The following SLCO1A2 variants were observed in gnomAD, a reference collection of about 807,000 sequenced individuals.
SLCO1A2 encodes solute carrier organic anion transporter family member 1A2.
SLCO1A2 carries 67 observed loss-of-function variants against 69.0 expected under a neutral mutation model. The observed-to-expected ratio is 0.97, with a 90% CI of 0.80 to 1.19. The LOEUF is 1.19. SLCO1A2 is among the 50% of genes most tolerant of loss of function. The pLI, the probability that SLCO1A2 is intolerant of heterozygous loss-of-function variation, is 0.00. For missense variants in SLCO1A2, 787 were observed against 793.7 expected, an observed-to-expected ratio of 0.99 and a Z score of 0.10; for synonymous variants, 260 against 265.9, an observed-to-expected ratio of 0.98 and a Z score of 0.22.
At chr12:21,367,286 A>T (rs948878968) in intron 2 of SLCO1A2, among the ~76,000 whole-genome samples, 8 of 152,198 alleles carry the variant, frequency 5.3e-5, no homozygotes, top group African/African-American at 1.9e-4. Context: ...CTACTGCAGT[A>T]TATGTTCCAT....
upstream of SLCO1A2, among the ~76,000 whole-genome samples, chr12:21,336,423 C>A (rs12316436): frequency 5.4e-3 from 815 of 151,848 alleles, 5 homozygotes; most frequent in African/African-American, 0.016. Context: ...TTCACTATGT[C>A]TGGAAGATTT....
chr12:21,293,306 A>AAAAAG (rs200975790), intron 11 of SLCO1A2, among the ~76,000 whole-genome samples: 1 of 152,192 alleles, frequency 6.6e-6, no homozygotes, highest in African/African-American at 2.4e-5. Context: ...CCATCTCAAA[A>AAAAAG]AAAAGAAAAG....
At chr12:21,290,567 T>C (rs1256608183) in intron 12 of SLCO1A2, among the ~76,000 whole-genome samples, 2 of 152,170 alleles carry the variant, frequency 1.3e-5, no homozygotes, top group Non-Finnish European at 2.9e-5. Context: ...ACGTATTATA[T>C]ACACTATGAT....
upstream of SLCO1A2, among the ~76,000 whole-genome samples, chr12:21,336,806 T>C (rs1952906996): frequency 6.6e-6 from 1 of 152,038 alleles, no homozygotes; most frequent in African/African-American, 2.4e-5. Context: ...AGTCCTCTTT[T>C]GTTAGCACAG....
chr12:21,338,367 C>G (rs1952957170), upstream of SLCO1A2, among the ~76,000 whole-genome samples: 1 of 151,810 alleles, frequency 6.6e-6, no homozygotes, highest in African/African-American at 2.4e-5. Flanking sequence ...AATTCTACAT[C>G]CCCCGGAACC....
intron 12 of SLCO1A2, among the ~76,000 whole-genome samples, chr12:21,278,764 A>G (rs1944317903): frequency 6.6e-6 from 1 of 152,064 alleles, no homozygotes; most frequent in Admixed American, 6.6e-5. Context: ...GACTACAATA[A>G]ATGCCTAACT....
intron 2 of SLCO1A2, among the ~76,000 whole-genome samples, chr12:21,353,270 A>G (rs559700512): frequency 6.6e-6 from 1 of 152,270 alleles, no homozygotes; most frequent in East Asian, 1.9e-4. Flanking sequence ...TCAAACATAA[A>G]CAACAGAAAG....
chr12:21,406,682 A>G (rs1372247615), intron 1 of SLCO1A2, among the ~76,000 whole-genome samples: 1 of 152,192 alleles, frequency 6.6e-6, no homozygotes, highest in Non-Finnish European at 1.5e-5. Context: ...ACAGGTACAG[A>G]TAGGCTTTAT....
chr12:21,320,346 C>T (rs1199619723), intron 2 of SLCO1A2, among the ~76,000 whole-genome samples: 4 of 152,200 alleles, frequency 2.6e-5, no homozygotes, highest in Non-Finnish European at 5.9e-5. Flanking sequence ...TCCCTACCTT[C>T]TCTAATTTGC....
At chr12:21,419,302 A>G, upstream of SLCO1A2, 1 of 156,880 alleles carries the variant, frequency 6.4e-6, no homozygotes, top group Non-Finnish European at 1.4e-5. Flanking sequence ...TTTCCATCTG[A>G]GGTACCGGGT....
intron 10 of SLCO1A2, chr12:21,294,887 T>G (rs1416782561): frequency 6.6e-6 from 1 of 152,146 alleles, no homozygotes; most frequent in Non-Finnish European, 1.5e-5. Flanking sequence ...TAAAATTATA[T>G]TACTATTTTA....
intron 2 of SLCO1A2, among the ~76,000 whole-genome samples, chr12:21,329,502 CTT>C (rs76903379): frequency 1.6e-4 from 23 of 143,582 alleles, no homozygotes; most frequent in Admixed American, 2.1e-4. Context: ...AATATTTTTG[CTT>C]TTTTTTTTTT....
chr12:21,275,206 T>C (rs1443133017), intron 13 of SLCO1A2, 154 bp downstream of exon 13: 3 of 776,292 alleles, frequency 3.9e-6, no homozygotes, highest in South Asian at 3.4e-5. Context: ...TGTTAAATGA[T>C]GAGTTAATGG....
Position 21,349,504 on chromosome 12 carries a change from C to T in SLCO1A2, c.-62-14795G>A, listed in dbSNP as rs1018741020. On this transcript the variant is annotated intron_variant, in intron 2 of 15. Coordinates refer to the SLCO1A2 transcript ENST00000307378. ...GCCACACTGTTGCCTTCCATCTGGG[C>T]TCCCCATACGTATCCTTGCTCTCTT... 3.3e-5 allele frequency among the ~76,000 whole-genome samples: 5 copies of T among 152,160 alleles called. No homozygotes were observed. The East Asian group carries it at 7.7e-4, about 23-fold the overall frequency.
intron 2 of SLCO1A2, among the ~76,000 whole-genome samples, chr12:21,330,586 CAAAAG>C (rs1952555377): frequency 6.6e-6 from 1 of 151,698 alleles, no homozygotes; most frequent in Admixed American, 6.6e-5. Flanking sequence ...CAGGCCTTCT[CAAAAG>C]AGAAAAAAAC....
chr12:21,311,421 A>G (rs1950131238), intron 4 of SLCO1A2, among the ~76,000 whole-genome samples: 1 of 152,056 alleles, frequency 6.6e-6, no homozygotes, highest in South Asian at 2.1e-4. Flanking sequence ...AAGAATCACT[A>G]TTTATAACAG....
intron 1 of SLCO1A2, among the ~76,000 whole-genome samples, chr12:21,406,216 G>A (rs185500514): frequency 2.6e-4 from 39 of 152,340 alleles, no homozygotes; most frequent in Admixed American, 2.4e-3. Context: ...GCATGCACGC[G>A]CAACACTTGG....
intron 2 of SLCO1A2, among the ~76,000 whole-genome samples, chr12:21,328,630 G>A (rs951710260): frequency 6.6e-6 from 1 of 152,108 alleles, no homozygotes; most frequent in South Asian, 2.1e-4. Context: ...AATACCATGA[G>A]GTCTCTGGAG....
chr12:21,360,345 C>A (rs1283226119), intron 2 of SLCO1A2, among the ~76,000 whole-genome samples: 1 of 152,036 alleles, frequency 6.6e-6, no homozygotes, highest in East Asian at 1.9e-4. Context: ...TGTAAAACGA[C>A]ACCAATATAA....
Sources: allele counts gnomAD v4.1 joint callset (sites outside exome capture counted in the v4.1 genomes callset), GRCh38; gene constraint gnomAD v4.1.1; transcripts MANE v1.5; gene names NCBI Gene and HGNC (gene_info 2026-07-23, HGNC 2026-07-21).